The following AUTS2 variants were observed in gnomAD, a reference collection of about 807,000 sequenced individuals.
AUTS2 encodes the protein activator of transcription and developmental regulator AUTS2.
AUTS2 carries 17 observed loss-of-function variants against 112.4 expected under a neutral mutation model. The ratio of observed to expected loss-of-function variants is 0.15; its 90% confidence interval spans 0.10 to 0.23. The LOEUF (loss-of-function observed/expected upper bound fraction) is 0.23, where lower values mean the gene tolerates loss of function less well. AUTS2 is among the 10% of genes least tolerant of loss of function. The probability of loss-of-function intolerance (pLI) is 1.00; values close to 1 mark genes in which losing one functional copy is unlikely to be tolerated. For missense variants in AUTS2, 1,510 were observed against 1,701.6 expected, an observed-to-expected ratio of 0.89 and a Z score of 1.98; for synonymous variants, 751 against 702.7, an observed-to-expected ratio of 1.07 and a Z score of -1.09.
chr7:69,753,131 T>G (rs1394878680), intron 1 of AUTS2, among the ~76,000 whole-genome samples: 1 of 152,150 alleles, frequency 6.6e-6, no homozygotes, highest in Non-Finnish European at 1.5e-5. Flanking sequence ...AATAGCTACC[T>G]CGCAGTTGGA....
At chr7:70,598,538 A>G (rs920530991) in intron 5 of AUTS2, among the ~76,000 whole-genome samples, 7 of 152,196 alleles carry the variant, frequency 4.6e-5, no homozygotes, top group Admixed American at 1.3e-4. Flanking sequence ...CTTTTTCCCT[A>G]TGCATTTGCC....
At position 70,718,876 on chromosome 7, in the gene AUTS2, T is replaced by C. The variant is rs140411793; in HGVS notation, c.742+20256T>C. 6.6e-5 allele frequency among the ~76,000 whole-genome samples: 10 copies of C among 152,286 alleles called. No individual in the cohort carries two copies. The East Asian group carries it at 1.7e-3, about 27-fold the overall frequency. On this transcript the variant is annotated intron_variant, in intron 6 of 18. Coordinates refer to ENST00000342771, the MANE Select transcript of AUTS2 (RefSeq NM_015570.4). Reference sequence around the variant, plus strand: ...CTTACTGTCCAGGCCTGGACACTTTTGAGAGTGAAATCGACTGTTTCTTCA... The same window carrying C: ...CTTACTGTCCAGGCCTGGACACTTTCGAGAGTGAAATCGACTGTTTCTTCA...
chr7:70,463,209 A>G (rs1006145568), intron 5 of AUTS2, among the ~76,000 whole-genome samples: 1 of 152,238 alleles, frequency 6.6e-6, no homozygotes, highest in Non-Finnish European at 1.5e-5. Flanking sequence ...ATAAAGGTAC[A>G]GTGTTCCTGT....
At chr7:70,224,629 A>G (rs1811671219) in intron 4 of AUTS2, among the ~76,000 whole-genome samples, 1 of 152,200 alleles carries the variant, frequency 6.6e-6, no homozygotes, top group Non-Finnish European at 1.5e-5. Context: ...TACAATGTTT[A>G]TAACATCTAC....
chr7:69,971,938 T>A (rs746595637), intron 2 of AUTS2, among the ~76,000 whole-genome samples: 1 of 152,176 alleles, frequency 6.6e-6, no homozygotes, highest in Non-Finnish European at 1.5e-5. Context: ...CTAGGATAAT[T>A]GTCCAAGAGT....
At chr7:70,664,586 C>T (rs1176425535) in intron 5 of AUTS2, among the ~76,000 whole-genome samples, 1 of 152,114 alleles carries the variant, frequency 6.6e-6, no homozygotes, top group Non-Finnish European at 1.5e-5. Flanking sequence ...TTTCTGAATG[C>T]CTAATCACTA....
chr7:69,701,007 A>G (rs960672818), intron 1 of AUTS2, among the ~76,000 whole-genome samples: 13 of 152,192 alleles, frequency 8.5e-5, no homozygotes. Flanking sequence ...GGAAGTTAAG[A>G]ATACTGGCTC....
At chr7:70,577,303 T>C (rs1485330134) in intron 5 of AUTS2, among the ~76,000 whole-genome samples, 1 of 152,228 alleles carries the variant, frequency 6.6e-6, no homozygotes, top group Admixed American at 6.5e-5. Context: ...CCATCTGTTA[T>C]AAATAAGTGG....
At chr7:70,038,268 C>A (rs1484509542) in intron 2 of AUTS2, among the ~76,000 whole-genome samples, 1 of 152,100 alleles carries the variant, frequency 6.6e-6, no homozygotes, top group African/African-American at 2.4e-5. Context: ...ATCCTTCCAG[C>A]ATTTACATTG....
intron 1 of AUTS2, among the ~76,000 whole-genome samples, chr7:69,644,388 T>C (rs1055577568): frequency 2.0e-5 from 3 of 152,166 alleles, no homozygotes; most frequent in African/African-American, 4.8e-5. Flanking sequence ...TTTTTGAGCA[T>C]TGGACTACCA....
At chr7:70,557,081 G>A (rs1451107452) in intron 5 of AUTS2, among the ~76,000 whole-genome samples, 1 of 152,136 alleles carries the variant, frequency 6.6e-6, no homozygotes, top group Non-Finnish European at 1.5e-5. Flanking sequence ...TGCTTTATTT[G>A]CCTTTAAATT....
chr7:70,714,283 C>T (rs549700108), intron 6 of AUTS2, among the ~76,000 whole-genome samples: 1 of 152,244 alleles, frequency 6.6e-6, no homozygotes, highest in East Asian at 1.9e-4. Context: ...TAAGACTTTT[C>T]CACAATTATT....
intron 5 of AUTS2, among the ~76,000 whole-genome samples, chr7:70,602,359 C>T (rs187893449): frequency 1.3e-5 from 2 of 152,256 alleles, no homozygotes; most frequent in African/African-American, 4.8e-5. Context: ...AGGACCTGAC[C>T]CCTGGTACAT....
At chr7:70,660,039 T>C (rs190444667) in intron 5 of AUTS2, among the ~76,000 whole-genome samples, 29 of 152,142 alleles carry the variant, frequency 1.9e-4, no homozygotes, top group African/African-American at 6.7e-4. Flanking sequence ...TAGCCAGGCA[T>C]GGTGATGCAT....
chr7:70,150,578 A>G (rs901014521), intron 4 of AUTS2, among the ~76,000 whole-genome samples: 2 of 152,216 alleles, frequency 1.3e-5, no homozygotes, highest in African/African-American at 4.8e-5. Context: ...GTTTTAAGTG[A>G]TAGAAATCTA....
intron 1 of AUTS2, among the ~76,000 whole-genome samples, chr7:69,730,506 A>G (rs760253543): frequency 6.6e-6 from 1 of 152,156 alleles, no homozygotes; most frequent in Non-Finnish European, 1.5e-5. Context: ...AGGTGGGCTA[A>G]ATCAGGAGCT....
At chr7:70,774,339 G>T (rs542124457) in intron 12 of AUTS2, 21 of 512,962 alleles carry the variant, frequency 4.1e-5, no homozygotes, top group African/African-American at 1.1e-4. Flanking sequence ...AATGAGTTAC[G>T]GTCTGAGCCC....
intron 1 of AUTS2, among the ~76,000 whole-genome samples, chr7:69,625,248 C>A (rs1793889528): frequency 6.6e-6 from 1 of 152,180 alleles, no homozygotes; most frequent in African/African-American, 2.4e-5. Context: ...GTGCTTCTGG[C>A]CCTGAAGTAG....
chr7:70,736,722 C>A (rs955302327), intron 6 of AUTS2, among the ~76,000 whole-genome samples: 2 of 152,198 alleles, frequency 1.3e-5, no homozygotes, highest in Non-Finnish European at 2.9e-5. Flanking sequence ...GAATGAGGAA[C>A]AACAGTGCTG....
Sources: allele counts gnomAD v4.1 joint callset (sites outside exome capture counted in the v4.1 genomes callset), GRCh38; gene constraint gnomAD v4.1.1; transcripts MANE v1.5; gene names NCBI Gene and HGNC (gene_info 2026-07-23, HGNC 2026-07-21).